The following KLHL13 variants were observed in gnomAD, a reference collection of about 807,000 sequenced individuals.
KLHL13 encodes the protein kelch-like protein 13.
A neutral mutation model predicts 37.1 loss-of-function variants in KLHL13; 10 were observed. The observed-to-expected ratio is 0.27, with a 90% CI of 0.17 to 0.46. The LOEUF is 0.46. Among genes scored for constraint, KLHL13 ranks in the 20% least tolerant of loss-of-function variants. The probability of loss-of-function intolerance (pLI) is 1.00; values close to 1 mark genes in which losing one functional copy is unlikely to be tolerated. For missense variants in KLHL13, 360 were observed against 509.3 expected, an observed-to-expected ratio of 0.71 and a Z score of 2.82; for synonymous variants, 163 against 181.2, an observed-to-expected ratio of 0.90 and a Z score of 0.81.
At chrX:117,938,988 C>T (rs957430550) in intron 2 of KLHL13, among the ~76,000 whole-genome samples, 5 of 110,065 alleles carry the variant, frequency 4.5e-5, no homozygotes, top group East Asian at 2.8e-4. Context: ...ATGTGCAGAA[C>T]ATGCAGGTTT....
chrX:117,994,278 G>C (rs1219033682), intron 1 of KLHL13, among the ~76,000 whole-genome samples: 1 of 108,766 alleles, frequency 9.2e-6, no homozygotes, highest in Non-Finnish European at 1.9e-5. Flanking sequence ...TTTAGTGACA[G>C]GGTCTTGTTC....
At chrX:118,069,149 C>CA (rs1569308000) in intron 1 of KLHL13, among the ~76,000 whole-genome samples, 7 of 80,896 alleles carry the variant, frequency 8.7e-5, no homozygotes, top group African/African-American at 5.2e-4. Flanking sequence ...ACACACACAC[C>CA]CTCACCTGAA....
At chrX:117,977,328 T>A (rs937331340), upstream of KLHL13, among the ~76,000 whole-genome samples, 20 of 112,147 alleles carry the variant, frequency 1.8e-4, no homozygotes, top group African/African-American at 6.5e-4. Flanking sequence ...AGTCACAGTA[T>A]AAGAGAAAAC....
chrX:118,053,838 AGAGAGAGAGAG>A (rs1464485374), intron 1 of KLHL13, among the ~76,000 whole-genome samples: 4 of 38,499 alleles, frequency 1.0e-4, no homozygotes, highest in African/African-American at 1.3e-4. Context: ...AGAGAGAGAG[AGAGAGAGAGAG>A]GAGAGAGAGA....
chrX:117,962,457 T>C (rs1277869086), intron 1 of KLHL13, among the ~76,000 whole-genome samples: 1 of 110,799 alleles, frequency 9.0e-6, no homozygotes, highest in East Asian at 2.8e-4. Flanking sequence ...CCGTGGCAGC[T>C]AATTACCATG....
At chrX:117,940,739 CTGTT>C (rs1310045646) in intron 2 of KLHL13, among the ~76,000 whole-genome samples, 2 of 111,271 alleles carry the variant, frequency 1.8e-5, no homozygotes, top group African/African-American at 6.6e-5. Flanking sequence ...ATTTGGATCT[CTGTT>C]TGTCTATTAT....
chrX:118,053,031 T>C (rs1489216404), intron 1 of KLHL13, among the ~76,000 whole-genome samples: 1 of 111,529 alleles, frequency 9.0e-6, no homozygotes, highest in East Asian at 2.8e-4. Context: ...GGGTGTGAGA[T>C]TGGAAGCCAG....
At chrX:118,053,840 A>AGGG (rs1387907618) in intron 1 of KLHL13, among the ~76,000 whole-genome samples, 1 of 36,087 alleles carries the variant, frequency 2.8e-5, no homozygotes, top group Non-Finnish European at 4.5e-5. Flanking sequence ...AGAGAGAGAG[A>AGGG]GAGAGAGAGG....
chrX:117,909,863 T>C (rs1312263254), exon 5 of KLHL13: 4 of 1,209,360 alleles, frequency 3.3e-6, no homozygotes, highest in South Asian at 1.8e-5. Context: ...TCCGAGGCTC[T>C]TCCAGGCGAA....
intron 2 of KLHL13, among the ~76,000 whole-genome samples, chrX:117,926,409 A>G (rs1351751391): frequency 9.0e-6 from 1 of 110,917 alleles, no homozygotes; most frequent in East Asian, 2.8e-4. Context: ...AAAAACAGTC[A>G]CCCTCAAGGA....
At chrX:118,028,622 C>A (rs924065870) in intron 1 of KLHL13, 125 bp from the exon 2 acceptor site, 2 of 323,979 alleles carry the variant, frequency 6.2e-6, no homozygotes, top group Admixed American at 1.0e-4. Context: ...TGCCCCTGTA[C>A]TTAATGTTCA....
intron 1 of KLHL13, among the ~76,000 whole-genome samples, chrX:118,115,473 T>C (rs1406604132): frequency 8.9e-6 from 1 of 112,651 alleles, no homozygotes; most frequent in African/African-American, 3.2e-5. Context: ...AAATCTACTG[T>C]TAAGAAACTG....
At chrX:118,093,473 T>C (rs1342200304) in intron 1 of KLHL13, among the ~76,000 whole-genome samples, 1 of 111,620 alleles carries the variant, frequency 9.0e-6, no homozygotes, top group African/African-American at 3.2e-5. Context: ...GAGTCCACAG[T>C]CTTAATTAAA....
At chrX:118,104,048 TAAAAAAAA>T (rs60645250) in intron 1 of KLHL13, among the ~76,000 whole-genome samples, 9 of 42,562 alleles carry the variant, frequency 2.1e-4, no homozygotes, top group African/African-American at 6.3e-4. Flanking sequence ...TCATTTCCAC[TAAAAAAAA>T]AAAAAAAAAA....
At chrX:118,063,467 C>A (rs2054763021) in intron 1 of KLHL13, among the ~76,000 whole-genome samples, 1 of 111,109 alleles carries the variant, frequency 9.0e-6, no homozygotes, top group African/African-American at 3.3e-5. Flanking sequence ...GCTTCATTTC[C>A]CCTACACTGG....
Position 117,909,287 on chromosome X carries a change from A to G in KLHL13, c.1366+14T>C. 2 of 1,142,072 alleles carry G rather than the reference A, an allele frequency of 1.8e-6. No individual in the cohort carries two copies. The highest frequency in any genetic ancestry group is 2.3e-6 in the Non-Finnish European group (2 of 859,257). The allele number at this position is 1,142,072 out of a possible 1,213,427, so 94.1% of individuals were successfully genotyped here. On this transcript the variant is annotated intron_variant, in intron 5 of 6. Transcript: ENST00000262820. ...GAAGAAATTTGTCTCTATGCTTAATATAAATGCACTTACGCAGTTCACCTG... is the reference window on the plus strand; with the variant it reads ...GAAGAAATTTGTCTCTATGCTTAATGTAAATGCACTTACGCAGTTCACCTG...
In KLHL13 at chrX:117,913,700, G is replaced by A. The variant is rs139234063; in HGVS notation, c.571-3604C>T. On this transcript the variant is annotated intron_variant, in intron 4 of 6. Coordinates refer to ENST00000262820, the Ensembl canonical transcript of KLHL13. Reference sequence around the variant, plus strand: ...TCTACTAAAAATACAAAAATTAGCCGGACGTGGTGGCACACGCCTGTATTC... The same window carrying A: ...TCTACTAAAAATACAAAAATTAGCCAGACGTGGTGGCACACGCCTGTATTC... Among the ~76,000 whole-genome samples the A allele has an allele frequency of 1.5e-3, 169 of 110,645 alleles. 1 individual carries two copies. In the East Asian group the frequency reaches 0.017, roughly 11 times the overall value.
chrX:118,099,910 G>A (rs375163816), intron 1 of KLHL13, among the ~76,000 whole-genome samples: 1 of 99,419 alleles, frequency 1.0e-5, no homozygotes, highest in African/African-American at 4.3e-5. Flanking sequence ...AAGGAAAGAA[G>A]GAAGGAAGAA....
At position 118,005,113 on chromosome X, in the gene KLHL13, T is replaced by C. The variant is rs139332547; in HGVS notation, c.-55-59538A>G. Reference sequence around the variant, plus strand: ...CACTTTTGGGATAACTGGAAAAAATTTGAATGGGCTTTGATTACAATGTAT... The same window carrying C: ...CACTTTTGGGATAACTGGAAAAAATCTGAATGGGCTTTGATTACAATGTAT... On this transcript the variant is annotated intron_variant, in intron 1 of 6. Coordinates refer to the KLHL13 transcript ENST00000371882. 9.2e-3 allele frequency among the ~76,000 whole-genome samples: 1,022 copies of C among 111,513 alleles called. 17 individuals carry two copies. Among genetic ancestry groups the C allele is most frequent in the African/African-American group, 0.031 (946 of 30,678 alleles).
Sources: gnomAD v4.1 joint callset for allele counts (sites outside exome capture counted in the v4.1 genomes callset) on GRCh38, gnomAD v4.1.1 for gene constraint, MANE v1.5 for transcripts, NCBI Gene and HGNC (gene_info 2026-07-23, HGNC 2026-07-21) for gene names.